The following SMPDL3A variants were observed in gnomAD, a reference collection of about 807,000 sequenced individuals.
SMPDL3A encodes cyclic GMP-AMP phosphodiesterase SMPDL3A.
A neutral mutation model predicts 38.5 loss-of-function variants in SMPDL3A; 39 were observed. The observed-to-expected ratio is 1.01, with a 90% confidence interval of 0.78 to 1.32. The LOEUF (loss-of-function observed/expected upper bound fraction) is 1.32. Among genes scored for constraint, SMPDL3A ranks in the 40% most tolerant of loss-of-function variants. SMPDL3A has a pLI of 0.00. For missense variants in SMPDL3A, 502 were observed against 536.2 expected (o/e 0.94, Z 0.63); for synonymous variants, 180 against 194.3 (o/e 0.93, Z 0.61).
At chr6:122,794,362 C>T (rs1218290279) in intron 1 of SMPDL3A, among the ~76,000 whole-genome samples, 1 of 152,132 alleles carries the variant, frequency 6.6e-6, no homozygotes, top group African/African-American at 2.4e-5. Context: ...CTTTAGGAGG[C>T]TGGGGCGGGC....
intron 1 of SMPDL3A, among the ~76,000 whole-genome samples, chr6:122,790,440 A>G (rs1269394331): frequency 6.6e-6 from 1 of 152,228 alleles, no homozygotes; most frequent in Admixed American, 6.5e-5. Flanking sequence ...TTAAGAGGAA[A>G]AACAAAATTA....
In SMPDL3A at chr6:122,789,345, C is replaced by G. The variant is rs1243487955; in HGVS notation, c.-2C>G. The G allele has an allele frequency of 6.5e-7, 1 of 1,543,546 alleles. No individual in the cohort carries two copies. The highest frequency in any genetic ancestry group is 8.7e-7 in the Non-Finnish European group (1 of 1,144,630). On this transcript the variant is annotated 5_prime_UTR_variant, in exon 1 of 8. Coordinates refer to ENST00000368440, the MANE Select transcript of SMPDL3A (RefSeq NM_006714.5). ...ACCTCCAGGTCAGCCCCGCGGCCCTCCATGGCGCTGGTGCGCGCACTCGTC... is the reference window on the plus strand; with the variant it reads ...ACCTCCAGGTCAGCCCCGCGGCCCTGCATGGCGCTGGTGCGCGCACTCGTC...
At chr6:122,806,100 C>G in intron 6 of SMPDL3A, 133 bp from the exon 7 acceptor site, 1 of 647,416 alleles carries the variant, frequency 1.5e-6, no homozygotes, top group South Asian at 4.4e-5. Context: ...ACAGTTGTTT[C>G]AAGTCAGTAT....
intron 1 of SMPDL3A, among the ~76,000 whole-genome samples, chr6:122,792,323 A>G (rs558788921): frequency 1.8e-4 from 28 of 152,310 alleles, no homozygotes; most frequent in African/African-American, 6.7e-4. Context: ...GTCTGGAGAG[A>G]CTGGTTCCAG....
intron 3 of SMPDL3A, among the ~76,000 whole-genome samples, chr6:122,800,182 G>A (rs956360054): frequency 1.3e-5 from 2 of 151,798 alleles, no homozygotes; most frequent in African/African-American, 4.8e-5. Flanking sequence ...TCCTCCAGGC[G>A]AGGCTCCCCA....
chr6:122,803,588 C>G, intron 4 of SMPDL3A, 76 bp from the exon 5 acceptor site: 1 of 1,089,932 alleles, frequency 9.2e-7, no homozygotes, highest in Non-Finnish European at 1.4e-6. Flanking sequence ...GGATTGTAAA[C>G]CTCAGGAATT....
At position 122,795,907 on chromosome 6, in the gene SMPDL3A, G is replaced by A. The variant is rs192877243; in HGVS notation, c.326+17G>A. 1 of 1,532,274 alleles carries A rather than the reference G, an allele frequency of 6.5e-7. No individual in the cohort carries two copies. Among genetic ancestry groups the A allele is most frequent in the African/African-American group, 1.4e-5 (1 of 73,226 alleles). The allele number at this position is 1,532,274 out of a possible 1,614,324, so 94.9% of individuals were successfully genotyped here. A position where few individuals can be genotyped will look rare whatever the true frequency, so the allele number is the denominator to read the frequency against. On this transcript the variant is annotated intron_variant, in intron 2 of 7. Transcript: ENST00000368440. ...ATGGACAGGGTAAGTGATTATACAA[G>A]TACCATTAATTACTCAATATTTATT...
chr6:122,809,158 A>T lies in SMPDL3A; in HGVS notation c.1112A>T (p.Glu371Val). ...NLKGESIWKL[E>V]YILTQTYDIE... ...AAGGGAGAGTCCATCTGGAAGCTGG[A>T]GTATATCCTGACCCAGACCTACGAC... is the stretch of plus-strand genomic sequence containing the variant. The change falls in exon 8 of 8, where the codon GAG becomes GTG. Residue 371 changes from glutamate (E) to valine (V), a missense_variant. By Grantham distance (121) the Glu-to-Val change is moderately radical. Coordinates refer to ENST00000368440, the MANE Select transcript of SMPDL3A (RefSeq NM_006714.5). 1 of 1,614,176 alleles carries T rather than the reference A, an allele frequency of 6.2e-7. No homozygotes were observed. Among genetic ancestry groups the T allele is most frequent in the Non-Finnish European group, 8.5e-7 (1 of 1,180,004 alleles).
intron 1 of SMPDL3A, among the ~76,000 whole-genome samples, chr6:122,791,974 T>A (rs1230135908): frequency 1.3e-5 from 2 of 152,230 alleles, no homozygotes; most frequent in African/African-American, 2.4e-5. Context: ...ATTACAGGCA[T>A]GAGCCACCGC....
Position 122,806,267 on chromosome 6 carries a change from T to C in SMPDL3A, c.954T>C (p.Ala318=). 6.2e-7 allele frequency: 1 copy of C among 1,613,344 alleles called. No individual in the cohort carries two copies. The highest frequency in any genetic ancestry group is 8.5e-7 in the Non-Finnish European group (1 of 1,179,478). The change falls in exon 7 of 8, where the codon GCT becomes GCC. Residue 318 remains alanine, a synonymous_variant. Transcript: ENST00000368440. ...SPVNSLFVAP[A]VTPVKSVLEK... ...TAAATTCTTTGTTTGTGGCTCCTGCTGTTACACCAGTGAAGAGTGTTTTAG... is the reference window on the plus strand; with the variant it reads ...TAAATTCTTTGTTTGTGGCTCCTGCCGTTACACCAGTGAAGAGTGTTTTAG...
At chr6:122,795,939 G>A (rs1186052421) in intron 2 of SMPDL3A, 49 bp downstream of exon 2, 8 of 1,344,254 alleles carry the variant, frequency 6.0e-6, no homozygotes, top group African/African-American at 5.8e-5. Flanking sequence ...TATTTACAGT[G>A]TCCTAAGCTT....
chr6:122,794,234 G>C (rs373848988), intron 1 of SMPDL3A, among the ~76,000 whole-genome samples: 13 of 152,186 alleles, frequency 8.5e-5, no homozygotes, highest in South Asian at 8.3e-4. Flanking sequence ...CACAGTGCCT[G>C]GCACATAGAA....
Position 122,799,264 on chromosome 6 carries a change from C to T in SMPDL3A, c.472-2046C>T, listed in dbSNP as rs148896730. 1.8e-4 allele frequency among the ~76,000 whole-genome samples: 28 copies of T among 152,268 alleles called. No individual in the cohort carries two copies. The East Asian group carries it at 4.6e-3, about 25-fold the overall frequency. Reference sequence around the variant, plus strand: ...GGTGCCACCGAATTTGTGGGTAGGTCACTTTCCATTAGGCTTCATTTCTCA... The same window carrying T: ...GGTGCCACCGAATTTGTGGGTAGGTTACTTTCCATTAGGCTTCATTTCTCA... On this transcript the variant is annotated intron_variant, in intron 3 of 7. Coordinates refer to ENST00000368440, the MANE Select transcript of SMPDL3A (RefSeq NM_006714.5).
intron 4 of SMPDL3A, among the ~76,000 whole-genome samples, 174 bp from the exon 5 acceptor site, chr6:122,803,490 T>G (rs1006624288): frequency 6.6e-6 from 1 of 152,214 alleles, no homozygotes; most frequent in African/African-American, 2.4e-5. Flanking sequence ...AGGTTTGCAG[T>G]AAATGCTTGC....
At chr6:122,791,743 G>A (rs920760467) in intron 1 of SMPDL3A, among the ~76,000 whole-genome samples, 12 of 152,018 alleles carry the variant, frequency 7.9e-5, no homozygotes, top group Admixed American at 6.6e-4. Context: ...ACCCAGGCTG[G>A]ACTGCAGTGG....
intron 7 of SMPDL3A, 71 bp downstream of exon 7, chr6:122,806,428 A>G: frequency 6.8e-7 from 1 of 1,467,880 alleles, no homozygotes; most frequent in Non-Finnish European, 9.3e-7. Flanking sequence ...ATTTAGTTGA[A>G]TTTTTCTCAG....
intron 7 of SMPDL3A, among the ~76,000 whole-genome samples, chr6:122,808,604 TCCCTCCC>T (rs754445904): frequency 1.3e-5 from 1 of 79,588 alleles, no homozygotes; most frequent in Non-Finnish European, 2.3e-5. Flanking sequence ...CCTCCCTCCC[TCCCTCCC>T]TTCCTTCCTT....
At position 122,797,206 on chromosome 6, in the gene SMPDL3A, G is replaced by A. The variant is rs565088202; in HGVS notation, c.471+238G>A. On this transcript the variant is annotated intron_variant, in intron 3 of 7. Coordinates refer to ENST00000368440, the MANE Select transcript of SMPDL3A (RefSeq NM_006714.5). ...TGAGTTTTCAGAATAAAATTATCCA[G>A]TTTGTGGATGATTAATTTATGTTTT... The A allele has an allele frequency of 5.3e-6, 2 of 373,834 alleles. 1 individual carries two copies. Among genetic ancestry groups the A allele is most frequent in the East Asian group, 8.2e-5 (2 of 24,318 alleles). 23.2% of individuals were successfully genotyped at this position (373,834 alleles called of 1,614,324 possible). A position where few individuals can be genotyped will look rare whatever the true frequency, so the allele number is the denominator to read the frequency against.
At chr6:122,800,607 C>T (rs1781396231) in intron 3 of SMPDL3A, among the ~76,000 whole-genome samples, 2 of 152,184 alleles carry the variant, frequency 1.3e-5, no homozygotes, top group South Asian at 2.1e-4. Flanking sequence ...TGTGCCTATG[C>T]CTATGCCTAT....
Sources: allele counts gnomAD v4.1 joint callset (sites outside exome capture counted in the v4.1 genomes callset), GRCh38; gene constraint gnomAD v4.1.1; transcripts MANE v1.5; gene names NCBI Gene and HGNC (gene_info 2026-07-23, HGNC 2026-07-21).